The following GPR137C variants were observed in gnomAD, a reference collection of about 807,000 sequenced individuals.
GPR137C encodes G protein-coupled receptor 137C.
GPR137C carries 27 observed loss-of-function variants against 43.4 expected under a neutral mutation model. The observed-to-expected ratio is 0.62, with a 90% CI of 0.46 to 0.86. The LOEUF is 0.86. GPR137C is among the 40% of genes least tolerant of loss of function. The probability of loss-of-function intolerance (pLI) is 0.00; values close to 1 mark genes in which losing one functional copy is unlikely to be tolerated. For synonymous variants in GPR137C, 285 were observed against 226.9 expected (o/e 1.26, Z -2.30); for missense variants, 522 against 534.6 (o/e 0.98, Z 0.23).
chr14:52,604,505 T>G (rs2038961994), intron 3 of GPR137C, among the ~76,000 whole-genome samples: 1 of 151,788 alleles, frequency 6.6e-6, no homozygotes, highest in African/African-American at 2.4e-5. Flanking sequence ...TAGTGCAGTG[T>G]TGTGATCCTG....
chr14:52,585,073 C>T (rs2038695440), intron 1 of GPR137C, among the ~76,000 whole-genome samples: 1 of 152,170 alleles, frequency 6.6e-6, no homozygotes, highest in South Asian at 2.1e-4. Context: ...TTAAATCTAA[C>T]ATCTTTCACA....
intron 1 of GPR137C, among the ~76,000 whole-genome samples, chr14:52,581,814 T>C (rs76588292): frequency 0.09 from 13,630 of 152,254 alleles, 677 homozygotes; most frequent in South Asian, 0.15. Context: ...TCAAATTTTA[T>C]ATTAGATATG....
At chr14:52,553,660 A>C in intron 1 of GPR137C, 69 bp downstream of exon 1, 111 of 716,246 alleles carry the variant, frequency 1.5e-4, no homozygotes, top group Non-Finnish European at 1.9e-4. Flanking sequence ...ACTCCCGCTG[A>C]GGACCAGCGG....
Position 52,553,181 on chromosome 14 carries a change from G to C in GPR137C, c.34G>C (p.Ala12Pro). ...GTCCGTGCCGGGTCCGGCGGCCGCT[G>C]CCGCCCCCGCAGCCGGCCGCGAGCC... Reference protein sequence around the residue: ...RVSVPGPAAAAAPAAGREPST... With the variant: ...RVSVPGPAAAPAPAAGREPST... Residue 12 changes from alanine (A) to proline (P), a missense_variant, in exon 1 of 7, where the codon GCC (alanine) becomes CCC (proline). Around this residue, in one of 3 missense-constraint regions of GPR137C, gnomAD observed 437 missense variants for 425.7 expected, o/e 1.03. Transcript: ENST00000321662. The C allele has an allele frequency of 6.7e-6, 8 of 1,194,038 alleles. No homozygotes were observed. The South Asian group carries it at 2.5e-4, about 37-fold the overall frequency. 74.0% of individuals were successfully genotyped at this position (1,194,038 alleles called of 1,614,324 possible).
chr14:52,563,397 G>A (rs1382201432), intron 1 of GPR137C, among the ~76,000 whole-genome samples: 2 of 152,134 alleles, frequency 1.3e-5, no homozygotes, highest in Non-Finnish European at 1.5e-5. Flanking sequence ...TGTAGATTCT[G>A]CACTGATTTG....
intron 3 of GPR137C, among the ~76,000 whole-genome samples, chr14:52,631,932 AGCT>A (rs2039298513): frequency 6.8e-6 from 1 of 147,384 alleles, no homozygotes; most frequent in Non-Finnish European, 1.5e-5. Flanking sequence ...ATCTTTCTCC[AGCT>A]GCTATTTGGC....
chr14:52,606,082 G>A (rs955786217), intron 3 of GPR137C, among the ~76,000 whole-genome samples: 5 of 152,088 alleles, frequency 3.3e-5, no homozygotes, highest in South Asian at 2.1e-4. Context: ...AAATGTTCCC[G>A]CTCCTTCAAT....
intron 3 of GPR137C, among the ~76,000 whole-genome samples, chr14:52,608,846 C>A (rs929348938): frequency 1.3e-5 from 2 of 152,058 alleles, no homozygotes; most frequent in African/African-American, 4.8e-5. Flanking sequence ...ACTCTTGCTG[C>A]TTTCAGGATC....
chr14:52,580,384 A>G (rs530845382), intron 1 of GPR137C, among the ~76,000 whole-genome samples: 10 of 152,152 alleles, frequency 6.6e-5, no homozygotes, highest in Admixed American at 2.6e-4. Context: ...TTTTTTTGAG[A>G]CAGAGTCTCA....
intron 1 of GPR137C, among the ~76,000 whole-genome samples, chr14:52,571,806 C>T (rs182787161): frequency 6.6e-6 from 1 of 152,172 alleles, no homozygotes; most frequent in African/African-American, 2.4e-5. Flanking sequence ...ATCAATGATT[C>T]CAGGAGCTGG....
chr14:52,580,371 T>A (rs77602086), intron 1 of GPR137C, among the ~76,000 whole-genome samples: 39 of 125,712 alleles, frequency 3.1e-4, no homozygotes, highest in South Asian at 2.8e-3. Context: ...GAAAAAAAAA[T>A]TTTTTTTTTG....
At position 52,609,059 on chromosome 14, in the gene GPR137C, C is replaced by G. The variant is rs139293594; in HGVS notation, c.717+8718C>G. On this transcript the variant is annotated intron_variant, in intron 3 of 6. Transcript: ENST00000321662. Reference sequence around the variant, plus strand: ...AGTTCCCTACCTAACTCCAACACCCCAAATATTTGCTTTTTTATGTTGGCC... The same window carrying G: ...AGTTCCCTACCTAACTCCAACACCCGAAATATTTGCTTTTTTATGTTGGCC... 4.2e-3 allele frequency among the ~76,000 whole-genome samples: 635 copies of G among 152,240 alleles called. 1 individual carries two copies. Among genetic ancestry groups the G allele is most frequent in the Non-Finnish European group, 6.7e-3 (455 of 68,006 alleles).
chr14:52,570,754 A>T (rs570417884), intron 1 of GPR137C, among the ~76,000 whole-genome samples: 1 of 152,324 alleles, frequency 6.6e-6, no homozygotes, highest in South Asian at 2.1e-4. Flanking sequence ...CAAGGGCATT[A>T]CATAACGCTA....
chr14:52,592,274 G>C (rs72684254), intron 1 of GPR137C, among the ~76,000 whole-genome samples: 1 of 152,024 alleles, frequency 6.6e-6, no homozygotes, highest in Non-Finnish European at 1.5e-5. Flanking sequence ...CTCCAGCTTC[G>C]TTCTTTTTGC....
intron 1 of GPR137C, among the ~76,000 whole-genome samples, chr14:52,588,522 T>C (rs2038740588): frequency 6.6e-6 from 1 of 152,162 alleles, no homozygotes; most frequent in African/African-American, 2.4e-5. Flanking sequence ...TTGAAGAGAA[T>C]GCAACATCAT....
chr14:52,561,063 T>C (rs558197004), intron 1 of GPR137C, among the ~76,000 whole-genome samples: 6 of 151,864 alleles, frequency 4.0e-5, no homozygotes, highest in East Asian at 1.9e-4. Context: ...AAAAAAGATA[T>C]ATGCATAGCC....
intron 1 of GPR137C, among the ~76,000 whole-genome samples, chr14:52,561,149 T>C (rs898791063): frequency 3.3e-5 from 5 of 152,224 alleles, no homozygotes; most frequent in African/African-American, 4.8e-5. Flanking sequence ...GAACTACCAC[T>C]AGACATTGAT....
chr14:52,583,494 C>CA (rs1300410582), intron 1 of GPR137C, among the ~76,000 whole-genome samples: 2 of 152,126 alleles, frequency 1.3e-5, no homozygotes, highest in Non-Finnish European at 2.9e-5. Context: ...CTGTCACACC[C>CA]ATTATCCCAA....
At chr14:52,577,899 A>T (rs2139477133) in intron 1 of GPR137C, among the ~76,000 whole-genome samples, 1 of 152,004 alleles carries the variant, frequency 6.6e-6, no homozygotes, top group Non-Finnish European at 1.5e-5. Flanking sequence ...TGGGAGGCAG[A>T]GGTTGCAGTG....
Sources: gnomAD v4.1 joint callset for allele counts (sites outside exome capture counted in the v4.1 genomes callset) on GRCh38, gnomAD v4.1.1 for gene constraint, gnomAD v4.1.1 regional missense constraint, MANE v1.5 for transcripts, NCBI Gene and HGNC (gene_info 2026-07-23, HGNC 2026-07-21) for gene names.